The following AVEN variants were observed in gnomAD, a reference collection of about 807,000 sequenced individuals.
AVEN encodes the protein cell death regulator Aven.
A neutral mutation model predicts 38.1 loss-of-function variants in AVEN; 41 were observed. That is an observed-to-expected ratio of 1.08 (90% CI 0.84 to 1.40). The LOEUF is 1.40. AVEN is among the 40% of genes most tolerant of loss of function. AVEN has a pLI of 0.00. For missense variants in AVEN, 605 were observed against 438.8 expected (o/e 1.38, Z -3.38); for synonymous variants, 206 against 171.8 (o/e 1.20, Z -1.56).
At chr15:33,920,109 A>G (rs1249740527) in intron 2 of AVEN, among the ~76,000 whole-genome samples, 1 of 152,158 alleles carries the variant, frequency 6.6e-6, no homozygotes, top group Non-Finnish European at 1.5e-5. Context: ...CCCTGGATTA[A>G]TGAGATTTCT....
chr15:34,004,800 T>A (rs951839580), intron 1 of AVEN, among the ~76,000 whole-genome samples: 2 of 152,140 alleles, frequency 1.3e-5, no homozygotes, highest in African/African-American at 4.8e-5. Context: ...TACTTTTGCA[T>A]GTATTTAAAT....
chr15:34,063,697 G>A lies in AVEN; in HGVS notation n.1127-265C>T. Reference sequence around the variant, plus strand: ...CCTGTCCTCCAAGTGGTCTACAAGAGTCAGGGTAAGGAAAGCCCAGGGGAA... The same window carrying A: ...CCTGTCCTCCAAGTGGTCTACAAGAATCAGGGTAAGGAAAGCCCAGGGGAA... On this transcript the variant is annotated intron_variant and non_coding_transcript_variant, in intron 4 of 11. Coordinates refer to the AVEN transcript ENST00000675287. This position sits in a 1 kb window ranked among gnomAD's most constrained non-coding sequence, Gnocchi z 4.1. 4 of 1,614,216 alleles carry A rather than the reference G, an allele frequency of 2.5e-6. No individual in the cohort carries two copies. The highest frequency in any genetic ancestry group is 1.1e-5 in the South Asian group (1 of 91,086).
At chr15:33,924,221 C>T (rs1003166051) in intron 2 of AVEN, among the ~76,000 whole-genome samples, 135 of 151,780 alleles carry the variant, frequency 8.9e-4, no homozygotes, top group African/African-American at 3.2e-3. Context: ...ACTAGGGGTA[C>T]GGTAGTCCTC....
intron 2 of AVEN, among the ~76,000 whole-genome samples, chr15:33,893,739 A>G (rs575582349): frequency 3.9e-5 from 6 of 152,178 alleles, no homozygotes; most frequent in Non-Finnish European, 7.4e-5. Flanking sequence ...GGAAAAGCAG[A>G]AAGGGGTGTG....
downstream of AVEN, among the ~76,000 whole-genome samples, chr15:33,861,502 C>G (rs1862918): frequency 7.3e-3 from 1,094 of 149,944 alleles, 14 homozygotes; most frequent in African/African-American, 0.025. Flanking sequence ...TAATCCTAAA[C>G]AAAGAAAAAT....
At chr15:33,853,201 C>G in the AVEN span, 3 of 1,030,060 alleles carry the variant, frequency 2.9e-6, no homozygotes, top group Non-Finnish European at 4.2e-6. Context: ...ATGATAATAT[C>G]TCAAGAAGAG....
chr15:33,985,013 C>T (rs547764540), intron 2 of AVEN, among the ~76,000 whole-genome samples: 1 of 152,224 alleles, frequency 6.6e-6, no homozygotes, highest in South Asian at 2.1e-4. Context: ...CCAGCTGAAC[C>T]TTTCCTGGGT....
intron 2 of AVEN, 133 bp downstream of exon 2, chr15:34,002,899 C>T (rs954570212): frequency 2.3e-6 from 2 of 855,506 alleles, no homozygotes; most frequent in African/African-American, 1.7e-5. Context: ...GAAACACTGT[C>T]CTTTACTTGA....
At chr15:34,048,022 CGTGTGTGTGTGTGTTT>C (rs1437999370) in intron 5 of AVEN, among the ~76,000 whole-genome samples, 3 of 151,470 alleles carry the variant, frequency 2.0e-5, no homozygotes, top group East Asian at 2.0e-4. Context: ...ACGTCCAGCT[CGTGTGTGTGTGTGTTT>C]GTGTGTGTGT....
intron 2 of AVEN, among the ~76,000 whole-genome samples, chr15:33,978,348 G>C (rs1895981433): frequency 6.6e-6 from 1 of 152,088 alleles, no homozygotes; most frequent in Non-Finnish European, 1.5e-5. Flanking sequence ...TTAATAATTG[G>C]AAATAAAACA....
downstream of AVEN, chr15:33,864,308 T>TC (rs750228812): frequency 4.0e-6 from 3 of 749,464 alleles, no homozygotes; most frequent in Non-Finnish European, 6.4e-6. Flanking sequence ...GAATGCATTT[T>TC]CCCATCACCT....
At chr15:33,859,074 C>G (rs1302716236) in exon 12 of AVEN, 1 of 154,246 alleles carries the variant, frequency 6.5e-6, no homozygotes, top group African/African-American at 2.4e-5. Flanking sequence ...TCAGGGAGCC[C>G]GTGCCTAGAT....
chr15:34,015,511 C>A (rs1897857692), intron 1 of AVEN, among the ~76,000 whole-genome samples: 1 of 152,062 alleles, frequency 6.6e-6, no homozygotes, highest in Non-Finnish European at 1.5e-5. Context: ...AAAAATTCCA[C>A]AAAATATCCA....
chr15:33,870,760 A>C (rs946192481), intron 4 of AVEN, among the ~76,000 whole-genome samples, 175 bp downstream of exon 4: 6 of 152,222 alleles, frequency 3.9e-5, no homozygotes, highest in Non-Finnish European at 8.8e-5. Flanking sequence ...ATAAAAAAGT[A>C]ACTTCAAAAA....
chr15:33,881,897 A>G (rs1240129328), intron 2 of AVEN, among the ~76,000 whole-genome samples: 1 of 152,246 alleles, frequency 6.6e-6, no homozygotes, highest in African/African-American at 2.4e-5. Context: ...GAAAACCAGA[A>G]AAGAACAGTG....
chr15:33,928,574 C>T (rs192165235), intron 2 of AVEN, among the ~76,000 whole-genome samples: 7 of 152,242 alleles, frequency 4.6e-5, no homozygotes, highest in South Asian at 2.1e-4. Context: ...CTCTCCAAGA[C>T]GCAACTGAAT....
At chr15:33,974,649 T>C (rs1323804325) in intron 2 of AVEN, among the ~76,000 whole-genome samples, 1 of 152,134 alleles carries the variant, frequency 6.6e-6, no homozygotes. Flanking sequence ...CAGAAATCTG[T>C]GATTTGATGT....
chr15:33,999,587 G>C (rs928085853), intron 2 of AVEN, among the ~76,000 whole-genome samples: 1 of 152,060 alleles, frequency 6.6e-6, no homozygotes, highest in African/African-American at 2.4e-5. Flanking sequence ...TCATCCTTAC[G>C]TATCTTTTTC....
chr15:33,986,859 A>T (rs916393317), intron 2 of AVEN, among the ~76,000 whole-genome samples: 1 of 152,068 alleles, frequency 6.6e-6, no homozygotes, highest in Non-Finnish European at 1.5e-5. Flanking sequence ...GGGTTTCACC[A>T]TGTTAGCCAG....
Sources: gnomAD v4.1 joint callset for allele counts (sites outside exome capture counted in the v4.1 genomes callset) on GRCh38, gnomAD v4.1.1 for gene constraint, Gnocchi (gnomAD v3.1) non-coding constraint, MANE v1.5 for transcripts, NCBI Gene and HGNC (gene_info 2026-07-23, HGNC 2026-07-21) for gene names.